The following SLC46A2 variants were observed in gnomAD, a reference collection of about 807,000 sequenced individuals.
The protein encoded by SLC46A2 is thymic stromal co-transporter.
SLC46A2 carries 25 observed loss-of-function variants against 33.1 expected under a neutral mutation model. The ratio of observed to expected loss-of-function variants is 0.76; its 90% CI spans 0.55 to 1.06. The LOEUF (loss-of-function observed/expected upper bound fraction) is 1.06. Among genes scored for constraint, SLC46A2 ranks in the 50% least tolerant of loss-of-function variants. The pLI is 0.00. For missense variants in SLC46A2, 622 were observed against 621.7 expected, an observed-to-expected ratio of 1.00 and a Z score of 0.00; for synonymous variants, 254 against 275.9, an observed-to-expected ratio of 0.92 and a Z score of 0.79.
chr9:112,886,339 G>T, intron 3 of SLC46A2, 121 bp downstream of exon 3: 1 of 1,052,890 alleles, frequency 9.5e-7, no homozygotes. Flanking sequence ...GCCTACTCAG[G>T]ACCCACTGCA....
At chr9:112,882,347 T>C (rs1373526082) in intron 3 of SLC46A2, among the ~76,000 whole-genome samples, 1 of 152,120 alleles carries the variant, frequency 6.6e-6, no homozygotes, top group Non-Finnish European at 1.5e-5. Context: ...GCTCAAGCAA[T>C]TCCCCCACCT....
At chr9:112,889,418 G>T (rs182992870) in intron 1 of SLC46A2, 135 bp downstream of exon 1, 2 of 777,928 alleles carry the variant, frequency 2.6e-6, no homozygotes, top group Non-Finnish European at 4.1e-6. Flanking sequence ...ATAATCTTGT[G>T]TCCCTTGTGC....
Position 112,890,609 on chromosome 9 carries a change from C to A in SLC46A2, c.73G>T (p.Val25Leu). The A allele has an allele frequency of 6.2e-7, 1 of 1,607,164 alleles. No individual in the cohort carries two copies. Among genetic ancestry groups the A allele is most frequent in the Non-Finnish European group, 8.5e-7 (1 of 1,179,916 alleles). The change falls in exon 1 of 4, where the codon GTG becomes TTG. Residue 25 changes from valine (V) to leucine (L), a missense_variant. Val to Leu is a conservative substitution (Grantham distance 32). Transcript: ENST00000374228. This position sits in a 1 kb window ranked among gnomAD's most constrained non-coding sequence, Gnocchi z 6.0. ...RFHPRTWVEPVVASSQVAASL... is the reference protein window; with the variant it reads ...RFHPRTWVEPLVASSQVAASL... ...GCAGCCACCTGGGACGAGGCCACCA[C>A]GGGCTCAACCCAGGTCCTCGGGTGG...
chr9:112,890,442 G>A lies in SLC46A2; in HGVS notation c.240C>T (p.Ile80=). ...QQRAISNFYI[I]YNLVVGLSPL... is the part of the protein sequence containing the mutation. ...GGGACAGGCCCACCACAAGGTTGTA[G>A]ATAATGTAGAAATTGGAGATGGCTC... The change falls in exon 1 of 4, where the codon ATC becomes ATT. Residue 80 remains isoleucine (I), a synonymous_variant. Coordinates refer to ENST00000374228, the MANE Select transcript of SLC46A2 (RefSeq NM_033051.4). The surrounding 1 kb of genome is among the most constrained non-coding windows in gnomAD (Gnocchi z 6.0). The A allele has an allele frequency of 6.2e-7, 1 of 1,614,256 alleles. No homozygotes were observed. The highest frequency in any genetic ancestry group is 1.1e-5 in the South Asian group (1 of 91,086).
rs1004588216 is a variant in SLC46A2, at chr9:112,887,866, A to G, written c.1130-453T>C. 4.6e-5 allele frequency among the ~76,000 whole-genome samples: 7 copies of G among 152,024 alleles called. No homozygotes were observed. The South Asian group carries it at 8.3e-4, about 18-fold the overall frequency. On this transcript the variant is annotated intron_variant, in intron 1 of 3. Transcript: ENST00000374228. ...TGTGTCCCATGAACGCATCCACTGC[A>G]TAGCTCTCAAGCTCTATTCTCAAGC...
chr9:112,887,073 T>A (rs1841651309), intron 2 of SLC46A2, among the ~76,000 whole-genome samples: 1 of 152,154 alleles, frequency 6.6e-6, no homozygotes, highest in Non-Finnish European at 1.5e-5. Flanking sequence ...GAATCCTGCC[T>A]CTATCTAGTT....
intron 3 of SLC46A2, among the ~76,000 whole-genome samples, chr9:112,882,138 G>A (rs11789556): frequency 3.9e-4 from 59 of 152,188 alleles, no homozygotes; most frequent in Non-Finnish European, 6.8e-4. Context: ...ACAGAGTCTT[G>A]CTCTGTCACC....
In SLC46A2 at chr9:112,890,743, A is replaced by G; in HGVS notation, c.-62T>C. ...TGCAGTGACAAGGATATGCTCCCAAATTCGGCTGCTACGGCTGCTCAGGTT... is the reference window on the plus strand; with the variant it reads ...TGCAGTGACAAGGATATGCTCCCAAGTTCGGCTGCTACGGCTGCTCAGGTT... On this transcript the variant is annotated 5_prime_UTR_variant, in exon 1 of 4. Transcript: ENST00000374228. The surrounding 1 kb of genome is among the most constrained non-coding windows in gnomAD (Gnocchi z 6.0). 6.6e-7 allele frequency: 1 copy of G among 1,519,904 alleles called. No homozygotes were observed. Among genetic ancestry groups the G allele is most frequent in the Non-Finnish European group, 8.8e-7 (1 of 1,138,620 alleles). 94.2% of individuals were successfully genotyped at this position (1,519,904 alleles called of 1,614,324 possible). A position where few individuals can be genotyped will look rare whatever the true frequency, so the allele number is the denominator to read the frequency against.
At chr9:112,885,355 T>C (rs939650260) in intron 3 of SLC46A2, 1 of 152,108 alleles carries the variant, frequency 6.6e-6, no homozygotes, top group African/African-American at 2.4e-5. Context: ...AGTCCTCATG[T>C]GCTACTAGGC....
rs560730096 is a variant in SLC46A2, at chr9:112,879,326, G to A, written c.*436C>T. 4.6e-4 allele frequency: 73 copies of A among 159,090 alleles called. No homozygotes were observed. The highest frequency in any genetic ancestry group is 1.5e-3 in the African/African-American group (62 of 41,888). 9.9% of individuals were successfully genotyped at this position (159,090 alleles called of 1,614,324 possible). ...TTCCCCTCAGGCTGTGATAATGCACGCTTTGAGTTCTCCCATGGGACTTTC... is the reference window on the plus strand; with the variant it reads ...TTCCCCTCAGGCTGTGATAATGCACACTTTGAGTTCTCCCATGGGACTTTC... On this transcript the variant is annotated 3_prime_UTR_variant, in exon 4 of 4. Transcript: ENST00000374228.
In SLC46A2 at chr9:112,890,222, A is replaced by C. The variant is rs1396095945; in HGVS notation, c.460T>G (p.Ser154Ala). Residue 154 changes from serine to alanine, a missense_variant, in exon 1 of 4, where the codon TCC (serine) becomes GCC (alanine). Coordinates refer to ENST00000374228, the MANE Select transcript of SLC46A2 (RefSeq NM_033051.4). This position sits in a 1 kb window ranked among gnomAD's most constrained non-coding sequence, Gnocchi z 6.0. ...AGCGATCCCAGCGCCATGACCCCGG[A>C]CCAGAAGGCGGAGAAGCCGCCGAAT... ...GLFGGFSAFWSGVMALGSLGS... is the reference protein window; with the variant it reads ...GLFGGFSAFWAGVMALGSLGS... 6.2e-7 allele frequency: 1 copy of C among 1,613,024 alleles called. No homozygotes were observed.
chr9:112,887,557 A>C, intron 1 of SLC46A2, 144 bp from the exon 2 acceptor site: 1 of 669,374 alleles, frequency 1.5e-6, no homozygotes. Context: ...CTGCTGGCAC[A>C]CTAGCGCCCT....
intron 3 of SLC46A2, among the ~76,000 whole-genome samples, chr9:112,882,107 T>C (rs758305063): frequency 1.8e-4 from 27 of 152,078 alleles, no homozygotes; most frequent in Non-Finnish European, 3.2e-4. Flanking sequence ...TTGTTGTTGT[T>C]GTTTTTGTTT....
At chr9:112,886,881 T>C (rs1221196666) in intron 2 of SLC46A2, among the ~76,000 whole-genome samples, 2 of 152,152 alleles carry the variant, frequency 1.3e-5, no homozygotes, top group Non-Finnish European at 2.9e-5. Context: ...TGTGCCACCA[T>C]GCCCTGCTAA....
Position 112,879,637 on chromosome 9 carries a change from A to C in SLC46A2, c.*125T>G. 1.2e-6 allele frequency: 1 copy of C among 844,452 alleles called. No individual in the cohort carries two copies. Among genetic ancestry groups the C allele is most frequent in the Non-Finnish European group, 1.9e-6 (1 of 528,174 alleles). The allele number at this position is 844,452 out of a possible 1,614,324, so 52.3% of individuals were successfully genotyped here. On this transcript the variant is annotated 3_prime_UTR_variant, in exon 4 of 4. Transcript: ENST00000374228. Reference sequence around the variant, plus strand: ...GCCAGAGCAGGTCATTCTGAGGCCAACTCTGGCTGGAACGCAGGTTTCTTA... The same window carrying C: ...GCCAGAGCAGGTCATTCTGAGGCCACCTCTGGCTGGAACGCAGGTTTCTTA...
intron 2 of SLC46A2, 122 bp from the exon 3 acceptor site, chr9:112,886,738 T>C: frequency 1.9e-6 from 2 of 1,029,778 alleles, no homozygotes; most frequent in Non-Finnish European, 2.8e-6. Context: ...CTCTCTCTTT[T>C]TTTAGAGACA....
At position 112,881,736 on chromosome 9, in the gene SLC46A2, G is replaced by T. The variant is rs377030032; in HGVS notation, c.1371-1917C>A. On this transcript the variant is annotated intron_variant, in intron 3 of 3. Coordinates refer to ENST00000374228, the MANE Select transcript of SLC46A2 (RefSeq NM_033051.4). ...GATACAGGGAGAGCCAAATAGCCAT[G>T]GTCTCTGCCCTCAGGGAGCCTTCAG... 2.6e-5 allele frequency: 4 copies of T among 152,356 alleles called. No individual in the cohort carries two copies. The East Asian group carries it at 7.7e-4, about 29-fold the overall frequency. The allele number at this position is 152,356 out of a possible 1,614,324, so 9.4% of individuals were successfully genotyped here.
Position 112,879,834 on chromosome 9 carries a change from C to G in SLC46A2, c.1371-15G>C. The stretch of plus-strand genomic sequence containing the variant: ...AGGCCACGATGCTGTAAGAATTGAC[C>G]ATAGAGAGTTACAAGAGAACAGCTG... On this transcript the variant is annotated splice_polypyrimidine_tract_variant and intron_variant, in intron 3 of 3. Coordinates refer to ENST00000374228, the MANE Select transcript of SLC46A2 (RefSeq NM_033051.4). 1 of 1,609,802 alleles carries G rather than the reference C, an allele frequency of 6.2e-7. No individual in the cohort carries two copies. The highest frequency in any genetic ancestry group is 8.5e-7 in the Non-Finnish European group (1 of 1,176,628).
At position 112,890,521 on chromosome 9, in the gene SLC46A2, GAGGAGCCTCCGGTTCCGT is replaced by G. The variant is rs1230790977; in HGVS notation, c.143_160del (p.Tyr48_Ser53del). The G allele has an allele frequency of 1.2e-6, 2 of 1,613,710 alleles. No individual in the cohort carries two copies. Among genetic ancestry groups the G allele is most frequent in the Non-Finnish European group, 1.7e-6 (2 of 1,179,946 alleles). ...GGGCGATGGGCTGGCACTGTGGTTGGAGGAGCCTCCGGTTCCGTAGGACGCCTTCACCACGAGGAGTAG... is the reference window on the plus strand; with the variant it reads ...GGGCGATGGGCTGGCACTGTGGTTGGAGGACGCCTTCACCACGAGGAGTAG... On this transcript the variant is annotated inframe_deletion, in exon 1 of 4. Transcript: ENST00000374228. This position sits in a 1 kb window ranked among gnomAD's most constrained non-coding sequence, Gnocchi z 6.0.
Sources: allele counts gnomAD v4.1 joint callset (sites outside exome capture counted in the v4.1 genomes callset), GRCh38; gene constraint gnomAD v4.1.1; non-coding constraint Gnocchi (gnomAD v3.1); transcripts MANE v1.5; gene names NCBI Gene and HGNC (gene_info 2026-07-23, HGNC 2026-07-21).